COP1: variants seen among roughly 807,000 people sequenced by gnomAD.
COP1 encodes COP1 E3 ubiquitin ligase, also known as E3 ubiquitin-protein ligase COP1.
COP1 carries 24 observed loss-of-function variants against 101.3 expected under a neutral mutation model. The observed-to-expected ratio is 0.24, with a 90% CI of 0.17 to 0.33. The LOEUF (loss-of-function observed/expected upper bound fraction) is 0.33. Ranked by LOEUF, COP1 falls within the 10% of genes least tolerant of loss-of-function variation. COP1 has a pLI of 1.00. For synonymous variants in COP1, 347 were observed against 341.9 expected (o/e 1.01, Z -0.17); for missense variants, 663 against 906.2 (o/e 0.73, Z 3.45).
At chr1:175,992,054 G>A (rs558684355) in intron 15 of COP1, among the ~76,000 whole-genome samples, 4 of 152,104 alleles carry the variant, frequency 2.6e-5, no homozygotes, top group African/African-American at 9.7e-5. Flanking sequence ...ATACGTAATC[G>A]TATGTGCTAG....
intron 10 of COP1, among the ~76,000 whole-genome samples, chr1:176,083,809 A>G (rs920162544): frequency 5.3e-5 from 8 of 152,238 alleles, no homozygotes; most frequent in Admixed American, 2.0e-4. Context: ...CTTTACAGTC[A>G]GAGGTACTAG....
chr1:176,194,887 G>A (rs1209480902), intron 1 of COP1, among the ~76,000 whole-genome samples: 6 of 151,118 alleles, frequency 4.0e-5, no homozygotes, highest in Non-Finnish European at 8.8e-5. Flanking sequence ...ATCAGCCTGA[G>A]CACCATGGCG....
At chr1:176,139,005 TAC>T (rs1425144646) in intron 6 of COP1, among the ~76,000 whole-genome samples, 1 of 151,980 alleles carries the variant, frequency 6.6e-6, no homozygotes, top group East Asian at 1.9e-4. Flanking sequence ...CTTTAAAAAA[TAC>T]ATTTAAAAAG....
intron 15 of COP1, among the ~76,000 whole-genome samples, chr1:176,015,644 G>C (rs1180197077): frequency 2.6e-5 from 4 of 152,160 alleles, no homozygotes; most frequent in Non-Finnish European, 5.9e-5. Flanking sequence ...GTAATGGCTT[G>C]AACTAGAGAT....
intron 8 of COP1, chr1:176,133,927 A>T (rs1689374986): frequency 2.3e-6 from 1 of 442,592 alleles, no homozygotes; most frequent in Non-Finnish European, 4.5e-6. Flanking sequence ...TACACAGACC[A>T]AGTCATTCTC....
chr1:176,140,859 C>T (rs1291039216), intron 6 of COP1, among the ~76,000 whole-genome samples: 2 of 152,046 alleles, frequency 1.3e-5, no homozygotes, highest in Non-Finnish European at 2.9e-5. Flanking sequence ...TAAGACAATG[C>T]TATTTGAGGG....
chr1:176,202,157 G>A (rs1335384221), intron 1 of COP1, among the ~76,000 whole-genome samples: 2 of 149,388 alleles, frequency 1.3e-5, no homozygotes, highest in Non-Finnish European at 3.0e-5. Flanking sequence ...TCTTTATTAC[G>A]ACAGATTCTA....
chr1:176,019,463 A>AAATAAT (rs34362717), intron 15 of COP1, among the ~76,000 whole-genome samples: 3,067 of 132,332 alleles, frequency 0.023, 40 homozygotes, highest in African/African-American at 0.036. Flanking sequence ...ACTCCATCTC[A>AAATAAT]AATAATAATA....
chr1:176,200,855 T>C (rs567663482), intron 1 of COP1, among the ~76,000 whole-genome samples: 1 of 152,316 alleles, frequency 6.6e-6, no homozygotes, highest in Admixed American at 6.5e-5. Context: ...TACAGAATTT[T>C]GTCCTACATA....
At chr1:176,144,068 TCAC>T (rs1389520821) in intron 6 of COP1, among the ~76,000 whole-genome samples, 1 of 152,122 alleles carries the variant, frequency 6.6e-6, no homozygotes, top group African/African-American at 2.4e-5. Context: ...TGCCCCGCTA[TCAC>T]CACTTCTATT....
rs368140696 is a variant in COP1, at chr1:176,203,671, C to G, written c.407+2901G>C. On this transcript the variant is annotated intron_variant, in intron 1 of 19. Transcript: ENST00000367669. ...ATACTACTGTCCTGTATTAGATTCT[C>G]CATCAATAAAACACTGTTAAAATTA... 3.9e-5 allele frequency among the ~76,000 whole-genome samples: 6 copies of G among 152,284 alleles called. No homozygotes were observed. The East Asian group carries it at 1.2e-3, about 29-fold the overall frequency.
At chr1:176,003,662 G>C (rs994383530) in intron 15 of COP1, among the ~76,000 whole-genome samples, 2 of 152,242 alleles carry the variant, frequency 1.3e-5, no homozygotes, top group Admixed American at 1.3e-4. Context: ...GATAGTTGTA[G>C]ATACGTGGCG....
At chr1:176,187,062 T>C (rs1220368936) in intron 1 of COP1, among the ~76,000 whole-genome samples, 2 of 152,188 alleles carry the variant, frequency 1.3e-5, no homozygotes, top group East Asian at 3.9e-4. Context: ...AAAATTACTA[T>C]CAAATCAGTT....
chr1:176,026,355 A>T (rs1667656839), intron 15 of COP1, among the ~76,000 whole-genome samples: 2 of 150,946 alleles, frequency 1.3e-5, no homozygotes, highest in African/African-American at 2.4e-5. Context: ...TAATAAAAAT[A>T]ACAACTATAA....
In COP1 at chr1:175,944,967, G is replaced by A. The variant is rs1648979534; in HGVS notation, c.*186C>T. The A allele has an allele frequency of 5.2e-6, 3 of 578,194 alleles. No individual in the cohort carries two copies. Among genetic ancestry groups the A allele is most frequent in the Non-Finnish European group, 9.1e-6 (3 of 328,762 alleles). 35.8% of individuals were successfully genotyped at this position (578,194 alleles called of 1,614,324 possible). On this transcript the variant is annotated 3_prime_UTR_variant, in exon 20 of 20. Coordinates refer to ENST00000367669, the MANE Select transcript of COP1 (RefSeq NM_022457.7). The stretch of plus-strand genomic sequence containing the variant: ...ACATTGATGGTGGAGAGTTGGCTGG[G>A]TATTCCCAATGTCCCAAAGGTCATA...
intron 1 of COP1, 117 bp downstream of exon 1, chr1:176,206,455 A>G: frequency 1.7e-6 from 2 of 1,207,542 alleles, no homozygotes; most frequent in South Asian, 2.6e-5. Context: ...ACACCACCAC[A>G]GCACCAGTAT....
chr1:176,153,085 T>C (rs1220022275), intron 5 of COP1, among the ~76,000 whole-genome samples: 2 of 152,062 alleles, frequency 1.3e-5, no homozygotes, highest in African/African-American at 4.8e-5. Context: ...TTCTCCACCA[T>C]CTACCTTTTC....
intron 9 of COP1, among the ~76,000 whole-genome samples, chr1:176,096,796 C>T (rs529402320): frequency 1.3e-5 from 2 of 152,266 alleles, no homozygotes; most frequent in Non-Finnish European, 2.9e-5. Context: ...CCAATCTGGT[C>T]TGCTTTACAT....
intron 9 of COP1, among the ~76,000 whole-genome samples, chr1:176,097,555 C>T (rs1282929235): frequency 6.6e-6 from 1 of 151,710 alleles, no homozygotes; most frequent in Non-Finnish European, 1.5e-5. Context: ...TATAAAAAAG[C>T]TCTTTTTTTT....
Sources: gnomAD v4.1 joint callset for allele counts (sites outside exome capture counted in the v4.1 genomes callset) on GRCh38, gnomAD v4.1.1 for gene constraint, MANE v1.5 for transcripts, NCBI Gene and HGNC (gene_info 2026-07-23, HGNC 2026-07-21) for gene names.